CHD5: variants seen among roughly 807,000 people sequenced by gnomAD.
CHD5 encodes the protein chromodomain helicase DNA binding protein 5.
In CHD5, 69 loss-of-function variants were observed where a neutral mutation model predicts 230.3. The ratio of observed to expected loss-of-function variants is 0.30; its 90% CI spans 0.25 to 0.37. The LOEUF (loss-of-function observed/expected upper bound fraction) is 0.37, where lower values mean the gene tolerates loss of function less well. Ranked by LOEUF, CHD5 falls within the 10% of genes least tolerant of loss-of-function variation. The pLI is 1.00. For missense variants in CHD5, 1,827 were observed against 2,622.8 expected (o/e 0.70, Z 6.63); for synonymous variants, 1,064 against 1,065.9 (o/e 1.00, Z 0.03).
In CHD5 at chr1:6,103,967, ACCT is replaced by A. The variant is rs1267742428; in HGVS notation, c.*1504_*1506del. ...AGGAGCTGAGCCCCAGCCCGTGTGC[ACCT>A]CCACCCCAGGCCCAGCTGGGTTTTT... On this transcript the variant is annotated 3_prime_UTR_variant, in exon 42 of 42. Coordinates refer to ENST00000262450, the MANE Select transcript of CHD5 (RefSeq NM_015557.3). 1.3e-5 allele frequency: 2 copies of A among 152,060 alleles called. No individual in the cohort carries two copies. The highest frequency in any genetic ancestry group is 3.9e-4 in the East Asian group (2 of 5,170). The allele number at this position is 152,060 out of a possible 1,614,324, so 9.4% of individuals were successfully genotyped here.
At position 6,106,708 on chromosome 1, in the gene CHD5, G is replaced by A. The variant is rs773847893; in HGVS notation, c.5650C>T (p.Arg1884Cys). The A allele has an allele frequency of 1.2e-5, 19 of 1,611,806 alleles. No homozygotes were observed. The highest frequency in any genetic ancestry group is 8.0e-5 in the African/African-American group (6 of 74,840). Residue 1884 changes from arginine to cysteine, a missense_variant, in exon 39 of 42, where the codon CGC becomes TGC. Physicochemically the swap from Arg to Cys is radical, Grantham distance 180 (BLOSUM62 -3). Transcript: ENST00000262450. ...DVTRLPSMLS[R>C]IPPVAARLQM... ...AGCCGGGCGGCCACCGGGGGGATGCGGGACAGCATGGATGGCAGCCGGGTC... is the reference window on the plus strand; with the variant it reads ...AGCCGGGCGGCCACCGGGGGGATGCAGGACAGCATGGATGGCAGCCGGGTC...
chr1:6,111,595 C>T (rs1017719195), intron 36 of CHD5, among the ~76,000 whole-genome samples, 180 bp downstream of exon 36: 3 of 151,812 alleles, frequency 2.0e-5, no homozygotes, highest in Non-Finnish European at 4.4e-5. Flanking sequence ...AGGAAGAAGC[C>T]GGGATGACAG....
rs373764965 is a variant in CHD5, at chr1:6,150,367, AGGATGGATGGATGGAT to A, written c.994+649_994+664del. On this transcript the variant is annotated intron_variant, in intron 7 of 41. Coordinates refer to ENST00000262450, the MANE Select transcript of CHD5 (RefSeq NM_015557.3). ...ATGGACAGATGGATGGATGGACAAA[AGGATGGATGGATGGAT>A]GGATGGATGGATGGATGGATGGATG... is the stretch of plus-strand genomic sequence containing the variant. Among the ~76,000 whole-genome samples the A allele has an allele frequency of 9.7e-3, 1,130 of 116,068 alleles. 18 individuals carry two copies. The highest frequency in any genetic ancestry group is 0.034 in the African/African-American group (1,019 of 30,352). 76.1% of individuals were successfully genotyped at this position (116,068 alleles called of 152,430 possible). A position where few individuals can be genotyped will look rare whatever the true frequency, so the allele number is the denominator to read the frequency against.
rs1666591352 is a variant in CHD5, at chr1:6,128,035, G to A, written c.3903+11C>T. ...CGGGGCTGCGGATGGAGGGCGGGCC[G>A]GGGACCTTACCACGCCGTCCTCCTC... On this transcript the variant is annotated intron_variant, in intron 25 of 41. Coordinates refer to ENST00000262450, the MANE Select transcript of CHD5 (RefSeq NM_015557.3). The surrounding 1 kb of genome is among the most constrained non-coding windows in gnomAD (Gnocchi z 7.8). The A allele has an allele frequency of 6.3e-6, 10 of 1,588,658 alleles. No individual in the cohort carries two copies. The South Asian group carries it at 6.8e-5, about 11-fold the overall frequency.
chr1:6,119,643 GAT>G (rs1314317287), intron 33 of CHD5, among the ~76,000 whole-genome samples: 1 of 151,672 alleles, frequency 6.6e-6, no homozygotes, highest in Non-Finnish European at 1.5e-5. Context: ...TACTAGTAAA[GAT>G]ATTAAAAACT....
chr1:6,124,602 G>A lies in CHD5; in HGVS notation c.4454C>T (p.Thr1485Ile). The change falls in exon 30 of 42, where the codon ACC (threonine) becomes ATC (isoleucine). Residue 1485 changes from threonine (T) to isoleucine (I), a missense_variant. Transcript: ENST00000262450. ...LCEPGADGAE[T>I]FADGVPREGL... Reference sequence around the variant, plus strand: ...CTCCCGGGGCACGCCGTCTGCGAAGGTCTCTGCACCATCCGCCCCCGGCTC... The same window carrying A: ...CTCCCGGGGCACGCCGTCTGCGAAGATCTCTGCACCATCCGCCCCCGGCTC... 1 of 1,598,862 alleles carries A rather than the reference G, an allele frequency of 6.3e-7. No individual in the cohort carries two copies. Among genetic ancestry groups the A allele is most frequent in the Non-Finnish European group, 8.5e-7 (1 of 1,174,440 alleles).
chr1:6,128,394 G>T lies in CHD5; in HGVS notation c.3730+105C>A. 1.8e-6 allele frequency: 2 copies of T among 1,136,488 alleles called. No individual in the cohort carries two copies. The highest frequency in any genetic ancestry group is 2.6e-6 in the Non-Finnish European group (2 of 775,888). 70.4% of individuals were successfully genotyped at this position (1,136,488 alleles called of 1,614,324 possible). On this transcript the variant is annotated intron_variant, in intron 24 of 41. Transcript: ENST00000262450. The surrounding 1 kb of genome is among the most constrained non-coding windows in gnomAD (Gnocchi z 7.8). ...AACAGCCCCACTCGCCGCCCACCTG[G>T]CAGTCCCAGGACGCCCAAGTGAGGG...
chr1:6,155,772 C>G lies in CHD5; in HGVS notation c.388-55G>C, dbSNP rs1434150131. 4.3e-6 allele frequency: 6 copies of G among 1,390,740 alleles called. No homozygotes were observed. Among genetic ancestry groups the G allele is most frequent in the Non-Finnish European group, 6.1e-6 (6 of 979,920 alleles). The allele number at this position is 1,390,740 out of a possible 1,614,324, so 86.1% of individuals were successfully genotyped here. ...GTTGAGGGGCCTTCTGACCTGCACC[C>G]CCATCCCCAGGGTCTCTGCCTAGGA... On this transcript the variant is annotated intron_variant, in intron 3 of 41. Coordinates refer to ENST00000262450, the MANE Select transcript of CHD5 (RefSeq NM_015557.3). This position sits in a 1 kb window ranked among gnomAD's most constrained non-coding sequence, Gnocchi z 4.0.
intron 2 of CHD5, among the ~76,000 whole-genome samples, chr1:6,166,198 TAC>T (rs1667251877): frequency 2.8e-5 from 4 of 144,488 alleles, no homozygotes; most frequent in African/African-American, 1.1e-4. Context: ...GACAGGGTGG[TAC>T]ACACACAGTC....
chr1:6,148,703 G>A lies in CHD5; in HGVS notation c.1383+151C>T. On this transcript the variant is annotated intron_variant, in intron 9 of 41. Coordinates refer to ENST00000262450, the MANE Select transcript of CHD5 (RefSeq NM_015557.3). ...GCTATTGTGGACGGGGTCTCGAGCA[G>A]CGCGGGCGAAGCTTTGCGGGATCGG... The A allele has an allele frequency of 1.2e-5, 7 of 563,272 alleles. No individual in the cohort carries two copies. In the South Asian group the frequency reaches 1.7e-4, roughly 14 times the overall value. 34.9% of individuals were successfully genotyped at this position (563,272 alleles called of 1,614,324 possible). A position where few individuals can be genotyped will look rare whatever the true frequency, so the allele number is the denominator to read the frequency against.
rs756789409 is a variant in CHD5, at chr1:6,106,452, G to A, written c.5800C>T (p.Pro1934Ser). ...TAGTTGACAATCCCTCCCGGTCCAG[G>A]GCCCCGGAAGTTGGGCCCAAAGTTG... ...SNNFGPNFRG[P>S]GPGGIVNYNQ... The change falls in exon 40 of 42, where the codon CCT (proline) becomes TCT (serine). Residue 1934 changes from proline to serine, a missense_variant. Coordinates refer to ENST00000262450, the MANE Select transcript of CHD5 (RefSeq NM_015557.3). 3.2e-6 allele frequency: 5 copies of A among 1,566,278 alleles called. No homozygotes were observed. The Admixed American group carries it at 5.7e-5, about 18-fold the overall frequency.
At chr1:6,161,477 TA>T (rs1191483590) in intron 2 of CHD5, among the ~76,000 whole-genome samples, 1 of 152,160 alleles carries the variant, frequency 6.6e-6, no homozygotes, top group Non-Finnish European at 1.5e-5. Flanking sequence ...CTTAGCCCAT[TA>T]AGCCTCCAGA....
Position 6,154,633 on chromosome 1 carries a change from T to A in CHD5, c.745+27A>T. On this transcript the variant is annotated intron_variant, in intron 5 of 41. Coordinates refer to ENST00000262450, the MANE Select transcript of CHD5 (RefSeq NM_015557.3). The surrounding 1 kb of genome is among the most constrained non-coding windows in gnomAD (Gnocchi z 7.0). ...GAAAGGGACCTCTTCCCAGCGGGAC[T>A]AGGTGCCCACCCAACCCCAGCCTTA... The A allele has an allele frequency of 6.5e-7, 1 of 1,527,690 alleles. No homozygotes were observed. The highest frequency in any genetic ancestry group is 8.8e-7 in the Non-Finnish European group (1 of 1,136,058). The allele number at this position is 1,527,690 out of a possible 1,614,324, so 94.6% of individuals were successfully genotyped here. A position where few individuals can be genotyped will look rare whatever the true frequency, so the allele number is the denominator to read the frequency against.
At position 6,159,585 on chromosome 1, in the gene CHD5, G is replaced by A. The variant is rs548215966; in HGVS notation, c.208-70C>T. 134 of 1,344,720 alleles carry A rather than the reference G, an allele frequency of 1.0e-4. 1 individual carries two copies. Among genetic ancestry groups the A allele is most frequent in the African/African-American group, 9.9e-4 (68 of 68,384 alleles). The allele number at this position is 1,344,720 out of a possible 1,614,324, so 83.3% of individuals were successfully genotyped here. A position where few individuals can be genotyped will look rare whatever the true frequency, so the allele number is the denominator to read the frequency against. On this transcript the variant is annotated intron_variant, in intron 2 of 41. Transcript: ENST00000262450. ...CATCCAGAGTCCTGGGTGGCAGGAC[G>A]GCCCTGAGAGCTACCTCCTGGCCCA...
At chr1:6,152,383 C>A in intron 6 of CHD5, 29 bp downstream of exon 6, 1 of 1,601,228 alleles carries the variant, frequency 6.2e-7, no homozygotes, top group Non-Finnish European at 8.5e-7. Flanking sequence ...TGCAAATGCA[C>A]ACACACGCGC....
intron 1 of CHD5, among the ~76,000 whole-genome samples, chr1:6,170,975 C>T (rs1056859082): frequency 6.6e-6 from 1 of 152,240 alleles, no homozygotes; most frequent in Admixed American, 6.5e-5. Context: ...GCCACCCCCA[C>T]ACCCTGGCGG....
In CHD5 at chr1:6,179,977, G is replaced by A; in HGVS notation, c.47C>T (p.Ala16Val). 5.1e-6 allele frequency: 7 copies of A among 1,382,866 alleles called. No individual in the cohort carries two copies. The highest frequency in any genetic ancestry group is 6.6e-6 in the Non-Finnish European group (7 of 1,055,484). The allele number at this position is 1,382,866 out of a possible 1,614,324, so 85.7% of individuals were successfully genotyped here. ...CTCGTCCTCATTCTCCATCTCCTCG[G>A]CGAACAGCCGCGGCAGCTCCTCCTC... The part of the protein sequence containing the change: ...GTEEELPRLF[A>V]EEMENEDEMS... Residue 16 changes from alanine (A) to valine (V), a missense_variant, in exon 1 of 42, where the codon GCC (alanine) becomes GTC (valine). By Grantham distance (64) the Ala-to-Val change is moderately conservative. Around this residue, in one of 14 missense-constraint regions of CHD5, gnomAD observed 113 missense variants for 91.9 expected, o/e 1.23. Transcript: ENST00000262450.
chr1:6,173,441 A>T (rs1425386334), intron 1 of CHD5, among the ~76,000 whole-genome samples: 4 of 151,826 alleles, frequency 2.6e-5, no homozygotes, highest in African/African-American at 7.3e-5. Flanking sequence ...GGACTCCCCA[A>T]CCAGCAACAA....
chr1:6,157,950 C>T (rs1667105498), intron 3 of CHD5, among the ~76,000 whole-genome samples: 1 of 152,226 alleles, frequency 6.6e-6, no homozygotes, highest in Non-Finnish European at 1.5e-5. Flanking sequence ...CCTCCTCCCA[C>T]ACCTCCCAAC....
Sources: gnomAD v4.1 joint callset for allele counts (sites outside exome capture counted in the v4.1 genomes callset) on GRCh38, gnomAD v4.1.1 for gene constraint, gnomAD v4.1.1 regional missense constraint, Gnocchi (gnomAD v3.1) non-coding constraint, MANE v1.5 for transcripts, NCBI Gene and HGNC (gene_info 2026-07-23, HGNC 2026-07-21) for gene names.